The following TBC1D19 variants were observed in gnomAD, a reference collection of about 807,000 sequenced individuals.
TBC1D19 encodes the protein TBC1 domain family, member 19.
TBC1D19 carries 60 observed loss-of-function variants against 89.0 expected under a neutral mutation model. The ratio of observed to expected loss-of-function variants is 0.67; its 90% CI spans 0.55 to 0.84. The LOEUF (loss-of-function observed/expected upper bound fraction) is 0.84. Ranked by LOEUF, TBC1D19 falls within the 40% of genes least tolerant of loss-of-function variation. The pLI, the probability that TBC1D19 is intolerant of heterozygous loss-of-function variation, is 0.00. For missense variants in TBC1D19, 500 were observed against 610.8 expected (o/e 0.82, Z 1.91); for synonymous variants, 189 against 199.7 (o/e 0.95, Z 0.45).
the TBC1D19 span, among the ~76,000 whole-genome samples, chr4:26,779,196 A>G: frequency 1.3e-5 from 2 of 152,228 alleles, no homozygotes; most frequent in Non-Finnish European, 2.9e-5. Context: ...TTCTGGAGTT[A>G]AATGAAACTA....
chr4:26,748,543 GT>G lies in TBC1D19; in HGVS notation c.1435+20del. The G allele has an allele frequency of 6.4e-7, 1 of 1,560,426 alleles. No homozygotes were observed. The highest frequency in any genetic ancestry group is 1.1e-5 in the South Asian group (1 of 88,974). Reference sequence around the variant, plus strand: ...TTCTTGCTGGTAAGAGTAAATGCTTGTTTGTAGAACACATGCTGTTTCTATA... The same window carrying G: ...TTCTTGCTGGTAAGAGTAAATGCTTGTTGTAGAACACATGCTGTTTCTATA... On this transcript the variant is annotated intron_variant, in intron 19 of 20. Transcript: ENST00000264866.
At chr4:26,718,829 T>C (rs1716805491) in intron 14 of TBC1D19, among the ~76,000 whole-genome samples, 2 of 152,096 alleles carry the variant, frequency 1.3e-5, no homozygotes, top group Non-Finnish European at 2.9e-5. Context: ...AACTGAATTA[T>C]CTACTGAGCT....
intron 1 of TBC1D19, among the ~76,000 whole-genome samples, chr4:26,597,775 ATGTT>A (rs943406230): frequency 3.7e-4 from 56 of 152,160 alleles, no homozygotes; most frequent in African/African-American, 1.2e-3. Flanking sequence ...ACTCACATTA[ATGTT>A]TGTTTCTTAT....
chr4:26,715,075 T>A (rs1250339040), intron 13 of TBC1D19, among the ~76,000 whole-genome samples: 1 of 152,034 alleles, frequency 6.6e-6, no homozygotes, highest in Non-Finnish European at 1.5e-5. Flanking sequence ...TGTTGATAAC[T>A]CTCAAATTTG....
chr4:26,620,923 T>C (rs1742010196), intron 4 of TBC1D19, among the ~76,000 whole-genome samples: 1 of 152,204 alleles, frequency 6.6e-6, no homozygotes, highest in Non-Finnish European at 1.5e-5. Context: ...GGAAAAATCA[T>C]CTACTATACT....
At chr4:26,778,456 G>A in the TBC1D19 span, among the ~76,000 whole-genome samples, 1 of 139,676 alleles carries the variant, frequency 7.2e-6, no homozygotes, top group Non-Finnish European at 1.5e-5. Context: ...AGGGAAGGGG[G>A]AAGGGAAGGG....
intron 3 of TBC1D19, among the ~76,000 whole-genome samples, chr4:26,617,470 G>T (rs547914875): frequency 1.3e-5 from 2 of 152,150 alleles, no homozygotes; most frequent in South Asian, 2.1e-4. Flanking sequence ...TCTCACATAG[G>T]TATATGTCTT....
chr4:26,608,973 T>C (rs1741181190), intron 1 of TBC1D19, among the ~76,000 whole-genome samples: 1 of 143,654 alleles, frequency 7.0e-6, no homozygotes, highest in African/African-American at 2.6e-5. Context: ...ACACCGCATG[T>C]TCTCACTCAT....
intron 7 of TBC1D19, among the ~76,000 whole-genome samples, chr4:26,644,925 A>G (rs1280751874): frequency 1.3e-5 from 2 of 152,226 alleles, no homozygotes; most frequent in Non-Finnish European, 2.9e-5. Flanking sequence ...ATAAAAGAGG[A>G]CACAAACAAA....
At chr4:26,583,619 A>G (rs115551309), upstream of TBC1D19, among the ~76,000 whole-genome samples, 391 of 152,328 alleles carry the variant, frequency 2.6e-3, 3 homozygotes, top group African/African-American at 9.1e-3. Flanking sequence ...AGTAAAATGG[A>G]GTGCTATGGT....
intron 3 of TBC1D19, among the ~76,000 whole-genome samples, chr4:26,615,850 A>G (rs943402602): frequency 3.3e-5 from 5 of 152,164 alleles, no homozygotes; most frequent in African/African-American, 9.7e-5. Context: ...TAAATTTACA[A>G]TATGTACTAA....
At chr4:26,669,512 A>G (rs1291317505) in intron 9 of TBC1D19, among the ~76,000 whole-genome samples, 1 of 151,844 alleles carries the variant, frequency 6.6e-6, no homozygotes, top group Non-Finnish European at 1.5e-5. Flanking sequence ...TTAGAGTGTA[A>G]GTTGGAGATT....
chr4:26,579,661 A>C (rs1739031841), upstream of TBC1D19, among the ~76,000 whole-genome samples: 3 of 148,116 alleles, frequency 2.0e-5, no homozygotes, highest in Admixed American at 6.8e-5. Flanking sequence ...CCCTCCCCTA[A>C]CCCCCAACCC....
At chr4:26,584,603 C>T (rs1739306354) in intron 1 of TBC1D19, among the ~76,000 whole-genome samples, 1 of 152,102 alleles carries the variant, frequency 6.6e-6, no homozygotes, top group Admixed American at 6.6e-5. Flanking sequence ...TTATCTATTC[C>T]TGTAGTCATT....
intron 13 of TBC1D19, among the ~76,000 whole-genome samples, chr4:26,701,389 T>C (rs1341367633): frequency 6.6e-6 from 1 of 151,852 alleles, no homozygotes; most frequent in Non-Finnish European, 1.5e-5. Flanking sequence ...CCATACTTTT[T>C]GTTTATAGTG....
intron 18 of TBC1D19, among the ~76,000 whole-genome samples, chr4:26,746,794 A>G (rs1251985926): frequency 2.0e-5 from 3 of 152,214 alleles, no homozygotes; most frequent in East Asian, 1.9e-4. Context: ...TAGAACAATT[A>G]TAACAATATG....
Position 26,595,572 on chromosome 4 carries a change from A to C in TBC1D19, c.99+11280A>C, listed in dbSNP as rs560521610. On this transcript the variant is annotated intron_variant, in intron 1 of 20. Coordinates refer to ENST00000264866, the MANE Select transcript of TBC1D19 (RefSeq NM_018317.4). ...TGTGTTACATTTAGGTCTATGCTTCATTTGGAGTTAATTTTTGTGAAAGGT... is the reference window on the plus strand; with the variant it reads ...TGTGTTACATTTAGGTCTATGCTTCCTTTGGAGTTAATTTTTGTGAAAGGT... Among the ~76,000 whole-genome samples, 229 of 152,210 alleles carry C rather than the reference A, an allele frequency of 1.5e-3. 2 individuals carry two copies. Among genetic ancestry groups the C allele is most frequent in the African/African-American group, 5.2e-3 (217 of 41,534 alleles).
chr4:26,771,709 A>G, the TBC1D19 span, among the ~76,000 whole-genome samples: 8 of 152,300 alleles, frequency 5.3e-5, no homozygotes, highest in South Asian at 1.7e-3. Flanking sequence ...GTTATGCAAG[A>G]TAAATAAGTT....
In TBC1D19 at chr4:26,728,739, C is replaced by T. The variant is rs190281831; in HGVS notation, c.1085-6716C>T. Among the ~76,000 whole-genome samples, 63 of 152,250 alleles carry T rather than the reference C, an allele frequency of 4.1e-4. No homozygotes were observed. In the East Asian group the frequency reaches 0.01, roughly 24 times the overall value. ...TTAAAGAGCCTTACTATTGGCCGGG[C>T]GTGGTGGCTCACGCCTGTAATCCCA... On this transcript the variant is annotated intron_variant, in intron 15 of 20. Transcript: ENST00000264866.
Sources: allele counts gnomAD v4.1 joint callset (sites outside exome capture counted in the v4.1 genomes callset), GRCh38; gene constraint gnomAD v4.1.1; transcripts MANE v1.5; gene names NCBI Gene and HGNC (gene_info 2026-07-23, HGNC 2026-07-21).